Variants in DLGAP1 observed in about 807,000 individuals in gnomAD.
The protein encoded by DLGAP1 is disks large-associated protein 1.
Under a neutral mutation model 90.8 loss-of-function variants are expected in DLGAP1, and 11 were observed. The observed-to-expected ratio is 0.12, with a 90% CI of 0.08 to 0.20. DLGAP1 has a LOEUF of 0.20. Among genes scored for constraint, DLGAP1 ranks in the 10% least tolerant of loss-of-function variants. DLGAP1 has a pLI of 1.00. For missense variants in DLGAP1, 1,050 were observed against 1,333.8 expected, an observed-to-expected ratio of 0.79 and a Z score of 3.31; for synonymous variants, 558 against 540.7, an observed-to-expected ratio of 1.03 and a Z score of -0.44.
chr18:3,879,967 C>T lies in DLGAP1; in HGVS notation c.102G>A (p.Leu34=). 1 of 1,612,796 alleles carries T rather than the reference C, an allele frequency of 6.2e-7. No homozygotes were observed. Among genetic ancestry groups the T allele is most frequent in the South Asian group, 1.1e-5 (1 of 91,062 alleles). ...CTGCGGGGTGGTGCTCCACTGGGCT[C>T]AGCAGGTAGGGCTTGCGGTCGGAGT... The part of the protein sequence containing the change: ...SHHSDRKPYL[L]SPVEHHPADH... Residue 34 remains leucine (L), a synonymous_variant, in exon 4 of 13, where the codon CTG becomes CTA. Transcript: ENST00000315677. The surrounding 1 kb of genome is among the most constrained non-coding windows in gnomAD (Gnocchi z 6.6).
intron 1 of DLGAP1, among the ~76,000 whole-genome samples, chr18:4,182,963 GA>G (rs1391811571): frequency 1.3e-5 from 2 of 152,136 alleles, no homozygotes; most frequent in Non-Finnish European, 2.9e-5. Flanking sequence ...ACACATTTCA[GA>G]TAAGGGTAAT....
At chr18:3,564,382 A>C (rs1007635441) in intron 9 of DLGAP1, among the ~76,000 whole-genome samples, 1 of 152,096 alleles carries the variant, frequency 6.6e-6, no homozygotes, top group African/African-American at 2.4e-5. Flanking sequence ...CCCCATGTGG[A>C]AGGCTAGAGG....
chr18:4,249,830 C>T (rs1335395711), intron 1 of DLGAP1, among the ~76,000 whole-genome samples: 1 of 152,176 alleles, frequency 6.6e-6, no homozygotes, highest in Non-Finnish European at 1.5e-5. Context: ...CTTAAGTGAT[C>T]CTCACGTCTC....
intron 4 of DLGAP1, among the ~76,000 whole-genome samples, chr18:3,876,068 T>C (rs1225003166): frequency 6.6e-6 from 1 of 151,556 alleles, no homozygotes; most frequent in Non-Finnish European, 1.5e-5. Flanking sequence ...TCTTTCCCTC[T>C]CTGTTTTCCC....
intron 2 of DLGAP1, among the ~76,000 whole-genome samples, chr18:4,139,347 T>C (rs956794797): frequency 1.3e-5 from 2 of 152,062 alleles, no homozygotes; most frequent in African/African-American, 4.8e-5. Flanking sequence ...TCACGACATA[T>C]TTAAATTTTC....
chr18:3,647,371 C>T (rs372369744), intron 7 of DLGAP1, among the ~76,000 whole-genome samples: 6 of 151,730 alleles, frequency 4.0e-5, no homozygotes, highest in South Asian at 2.1e-4. Flanking sequence ...AAAACAAAAA[C>T]GATAACAAAA....
chr18:4,272,336 A>G (rs1397602766), intron 1 of DLGAP1, among the ~76,000 whole-genome samples: 2 of 152,118 alleles, frequency 1.3e-5, no homozygotes, highest in Non-Finnish European at 2.9e-5. Context: ...AGTTTATTTT[A>G]CCTTTTTTTG....
intron 9 of DLGAP1, among the ~76,000 whole-genome samples, chr18:3,566,333 T>C (rs1017789917): frequency 7.2e-5 from 11 of 152,034 alleles, no homozygotes; most frequent in African/African-American, 2.7e-4. Flanking sequence ...TGCATAATTA[T>C]ATCAGGTTGG....
intron 1 of DLGAP1, among the ~76,000 whole-genome samples, chr18:4,333,519 T>C (rs533373046): frequency 6.6e-6 from 1 of 151,578 alleles, no homozygotes; most frequent in South Asian, 2.1e-4. Context: ...TTTGTTATAA[T>C]GGACCATATC....
chr18:3,926,409 T>TACACACAC (rs1325582316), intron 3 of DLGAP1, among the ~76,000 whole-genome samples: 1 of 36,006 alleles, frequency 2.8e-5, no homozygotes, highest in African/African-American at 8.6e-5. Context: ...GACATATATA[T>TACACACAC]ATATATATAT....
At chr18:3,549,384 G>C (rs2144764323) in intron 9 of DLGAP1, among the ~76,000 whole-genome samples, 1 of 150,278 alleles carries the variant, frequency 6.7e-6, no homozygotes, top group South Asian at 2.1e-4. Context: ...CCAGGCTGGA[G>C]TGCAGTGGCG....
intron 1 of DLGAP1, among the ~76,000 whole-genome samples, chr18:4,402,559 G>T (rs1414307746): frequency 6.6e-6 from 1 of 152,126 alleles, no homozygotes; most frequent in African/African-American, 2.4e-5. Flanking sequence ...AGGGTGAAAT[G>T]ACATTTTCAA....
intron 1 of DLGAP1, among the ~76,000 whole-genome samples, chr18:4,218,154 CTG>C (rs1345716648): frequency 6.9e-6 from 1 of 144,092 alleles, no homozygotes; most frequent in African/African-American, 2.6e-5. Context: ...GTTGAAAAGT[CTG>C]TCCTTTCTTC....
chr18:4,058,884 G>A (rs2143245633), intron 2 of DLGAP1, among the ~76,000 whole-genome samples: 1 of 152,340 alleles, frequency 6.6e-6, no homozygotes, highest in East Asian at 1.9e-4. Context: ...TCTGAGAAAA[G>A]AGACAATCAT....
intron 1 of DLGAP1, among the ~76,000 whole-genome samples, chr18:4,181,137 G>C (rs1253152082): frequency 6.6e-6 from 1 of 152,138 alleles, no homozygotes; most frequent in East Asian, 1.9e-4. Flanking sequence ...TTATAAAATA[G>C]AGTCCTTTGA....
chr18:3,766,736 G>A (rs2064262180), intron 5 of DLGAP1, among the ~76,000 whole-genome samples: 1 of 151,998 alleles, frequency 6.6e-6, no homozygotes, highest in Admixed American at 6.6e-5. Flanking sequence ...AGATAAAAGA[G>A]GAAATCTTAA....
intron 9 of DLGAP1, among the ~76,000 whole-genome samples, chr18:3,538,647 C>T (rs2052518828): frequency 6.6e-6 from 1 of 152,212 alleles, no homozygotes; most frequent in Admixed American, 6.5e-5. Context: ...GACATTTTGG[C>T]TGTTCTGCTA....
chr18:3,589,029 TA>T (rs1360116690), intron 7 of DLGAP1, among the ~76,000 whole-genome samples: 2 of 149,552 alleles, frequency 1.3e-5, no homozygotes, highest in Non-Finnish European at 3.0e-5. Flanking sequence ...TAAAAATATA[TA>T]AAAAAAAATT....
chr18:3,709,783 GACTGAAGGATTCA>G (rs1442464324), intron 7 of DLGAP1, among the ~76,000 whole-genome samples: 4 of 152,156 alleles, frequency 2.6e-5, no homozygotes, highest in African/African-American at 7.2e-5. Context: ...GTGTTTGCGG[GACTGAAGGATTCA>G]ATAATACTTG....
Sources: allele counts gnomAD v4.1 joint callset (sites outside exome capture counted in the v4.1 genomes callset), GRCh38; gene constraint gnomAD v4.1.1; non-coding constraint Gnocchi (gnomAD v3.1); transcripts MANE v1.5; gene names NCBI Gene and HGNC (gene_info 2026-07-23, HGNC 2026-07-21).